Variants in SLCO3A1 observed in about 807,000 individuals in gnomAD.
The protein encoded by SLCO3A1 is PGE1 transporter.
SLCO3A1 carries 27 observed loss-of-function variants against 63.1 expected under a neutral mutation model. The ratio of observed to expected loss-of-function variants is 0.43; its 90% CI spans 0.32 to 0.59. SLCO3A1 has a LOEUF of 0.59. Ranked by LOEUF, SLCO3A1 falls within the 20% of genes least tolerant of loss-of-function variation. SLCO3A1 has a pLI of 0.09. For missense variants in SLCO3A1, 773 were observed against 945.8 expected, an observed-to-expected ratio of 0.82 and a Z score of 2.40; for synonymous variants, 473 against 409.9, an observed-to-expected ratio of 1.15 and a Z score of -1.86.
At chr15:91,895,298 G>A (rs1174337413) in intron 1 of SLCO3A1, among the ~76,000 whole-genome samples, 1 of 152,210 alleles carries the variant, frequency 6.6e-6, no homozygotes, top group Non-Finnish European at 1.5e-5. Flanking sequence ...AGTTTCAGCA[G>A]AAAGGAAGTT....
intron 2 of SLCO3A1, among the ~76,000 whole-genome samples, chr15:92,041,845 T>C (rs1031440073): frequency 1.3e-5 from 2 of 151,956 alleles, no homozygotes; most frequent in African/African-American, 4.8e-5. Context: ...ATATTTAATT[T>C]TAATATTTTA....
At chr15:91,952,584 A>T (rs531699689) in intron 2 of SLCO3A1, among the ~76,000 whole-genome samples, 16 of 152,352 alleles carry the variant, frequency 1.1e-4, no homozygotes, top group African/African-American at 3.6e-4. Flanking sequence ...AAGATGCAGG[A>T]TTGCATGCTA....
rs75665217 is a variant in SLCO3A1, at chr15:91,863,830, G to A, written c.180+9742G>A. 0.044 allele frequency among the ~76,000 whole-genome samples: 6,639 copies of A among 152,284 alleles called. 476 individuals carry two copies. The highest frequency in any genetic ancestry group is 0.15 in the African/African-American group (6,214 of 41,528). ...TGGCATGTCGTGTCGCCTCCCCAGTGCTGGTACATACTTTGTAGGTTGGGA... is the reference window on the plus strand; with the variant it reads ...TGGCATGTCGTGTCGCCTCCCCAGTACTGGTACATACTTTGTAGGTTGGGA... On this transcript the variant is annotated intron_variant, in intron 1 of 9. Transcript: ENST00000318445. The surrounding 1 kb of genome is among the most constrained non-coding windows in gnomAD (Gnocchi z 4.3).
rs182109105 is a variant in SLCO3A1 at position 92,050,655 on chromosome 15, A to G, written c.647-44226A>G. ...GTCCTGGCCACTATCACTACCACCA[A>G]CCATATCATGTGTCCACTCTGTAAG... is the stretch of plus-strand genomic sequence containing the variant. On this transcript the variant is annotated intron_variant, in intron 2 of 9. Coordinates refer to ENST00000318445, the MANE Select transcript of SLCO3A1 (RefSeq NM_013272.4). 5.3e-4 allele frequency among the ~76,000 whole-genome samples: 80 copies of G among 152,194 alleles called. 1 individual carries two copies. The highest frequency in any genetic ancestry group is 4.7e-3 in the Admixed American group (72 of 15,294).
chr15:92,154,947 T>C (rs2048353346), intron 9 of SLCO3A1, among the ~76,000 whole-genome samples: 1 of 152,178 alleles, frequency 6.6e-6, no homozygotes, highest in Non-Finnish European at 1.5e-5. Flanking sequence ...TTCGAGATTA[T>C]GGAAGTGGAG....
At chr15:92,120,337 ACC>A in intron 4 of SLCO3A1, 126 bp from the exon 5 acceptor site, 5 of 859,490 alleles carry the variant, frequency 5.8e-6, no homozygotes, top group Admixed American at 2.6e-5. Context: ...GCAACTGGGT[ACC>A]TCTGGATGCT....
intron 2 of SLCO3A1, among the ~76,000 whole-genome samples, chr15:92,027,615 T>A (rs913304082): frequency 6.6e-6 from 1 of 152,188 alleles, no homozygotes; most frequent in Non-Finnish European, 1.5e-5. Flanking sequence ...GACGCATGCA[T>A]TAAAGGATTG....
chr15:91,890,676 A>G (rs750106221), intron 1 of SLCO3A1, among the ~76,000 whole-genome samples: 8 of 152,170 alleles, frequency 5.3e-5, no homozygotes, highest in Non-Finnish European at 8.8e-5. Context: ...TTTGTCTTTT[A>G]AGGCTCTGAT....
intron 9 of SLCO3A1, among the ~76,000 whole-genome samples, chr15:92,154,486 T>G (rs963658217): frequency 6.6e-6 from 1 of 151,966 alleles, no homozygotes; most frequent in Non-Finnish European, 1.5e-5. Flanking sequence ...CATAAGTAGG[T>G]GGATGTGGCC....
intron 2 of SLCO3A1, among the ~76,000 whole-genome samples, chr15:91,925,159 A>G (rs1414204941): frequency 3.3e-5 from 5 of 152,178 alleles, no homozygotes; most frequent in Non-Finnish European, 7.4e-5. Context: ...AGATTTTGAG[A>G]CATTTCCTCT....
chr15:92,136,978 T>C (rs1441527760), intron 7 of SLCO3A1, among the ~76,000 whole-genome samples: 3 of 151,924 alleles, frequency 2.0e-5, no homozygotes, highest in Non-Finnish European at 2.9e-5. Context: ...CTTTTTTTTT[T>C]TTTTTTAATT....
intron 3 of SLCO3A1, among the ~76,000 whole-genome samples, chr15:92,095,422 A>G (rs207974): frequency 0.72 from 110,098 of 152,198 alleles, 39,996 homozygotes; most frequent in Admixed American, 0.82. Context: ...GCAAGTGTAC[A>G]AACGGGGTCA....
At chr15:92,063,787 T>G (rs977143960) in intron 2 of SLCO3A1, among the ~76,000 whole-genome samples, 7 of 152,154 alleles carry the variant, frequency 4.6e-5, no homozygotes, top group African/African-American at 1.7e-4. Flanking sequence ...GAGGCGGAGG[T>G]TGCAGTGAGC....
intron 1 of SLCO3A1, among the ~76,000 whole-genome samples, chr15:91,876,488 C>T (rs1897401259): frequency 1.3e-5 from 2 of 152,210 alleles, no homozygotes; most frequent in South Asian, 4.1e-4. Flanking sequence ...AGCCTTAGCA[C>T]CATGAGCAGG....
intron 2 of SLCO3A1, among the ~76,000 whole-genome samples, chr15:91,973,156 G>A (rs1900947855): frequency 6.6e-6 from 1 of 152,200 alleles, no homozygotes; most frequent in African/African-American, 2.4e-5. Context: ...CTGGGGCAGG[G>A]GAACTGAGGC....
intron 2 of SLCO3A1, among the ~76,000 whole-genome samples, chr15:91,990,266 T>C (rs1354351066): frequency 6.6e-6 from 1 of 152,180 alleles, no homozygotes; most frequent in Non-Finnish European, 1.5e-5. Flanking sequence ...TAGATTTTTG[T>C]TCTTCTTTCT....
At chr15:91,920,037 A>G (rs1421336191) in intron 2 of SLCO3A1, among the ~76,000 whole-genome samples, 1 of 152,166 alleles carries the variant, frequency 6.6e-6, no homozygotes, top group Non-Finnish European at 1.5e-5. Context: ...ATTCTATGAC[A>G]TTGCTGCATA....
At position 91,883,350 on chromosome 15, in the gene SLCO3A1, G is replaced by T. The variant is rs142571614; in HGVS notation, c.180+29262G>T. On this transcript the variant is annotated intron_variant, in intron 1 of 9. Transcript: ENST00000318445. The surrounding 1 kb of genome is among the most constrained non-coding windows in gnomAD (Gnocchi z 4.8). ...TTGCTTTTTCACTCCATCAGCTGAG[G>T]TACCACAGGGGATGCCAGAGACCTG... Among the ~76,000 whole-genome samples, 1 of 152,178 alleles carries T rather than the reference G, an allele frequency of 6.6e-6. No individual in the cohort carries two copies. Among genetic ancestry groups the T allele is most frequent in the Non-Finnish European group, 1.5e-5 (1 of 68,036 alleles).
At chr15:91,961,137 T>C (rs1393587679) in intron 2 of SLCO3A1, among the ~76,000 whole-genome samples, 1 of 152,234 alleles carries the variant, frequency 6.6e-6, no homozygotes, top group African/African-American at 2.4e-5. Context: ...AACGTGATTT[T>C]TGAATACTTA....
Sources: allele counts gnomAD v4.1 joint callset (sites outside exome capture counted in the v4.1 genomes callset), GRCh38; gene constraint gnomAD v4.1.1; non-coding constraint Gnocchi (gnomAD v3.1); transcripts MANE v1.5; gene names NCBI Gene and HGNC (gene_info 2026-07-23, HGNC 2026-07-21).